Variants in NLRP13 observed in about 807,000 individuals in gnomAD.
The protein encoded by NLRP13 is NLR family pyrin domain containing 13.
NLRP13 carries 82 observed loss-of-function variants against 94.4 expected under a neutral mutation model. The observed-to-expected ratio is 0.87, with a 90% CI of 0.73 to 1.04. The LOEUF (loss-of-function observed/expected upper bound fraction) is 1.04, where lower values mean the gene tolerates loss of function less well. NLRP13 is among the 50% of genes least tolerant of loss of function. NLRP13 has a pLI of 0.00. For synonymous variants in NLRP13, 553 were observed against 464.7 expected, an observed-to-expected ratio of 1.19 and a Z score of -2.45; for missense variants, 1,426 against 1,230.8, an observed-to-expected ratio of 1.16 and a Z score of -2.37.
chr19:55,896,348 C>T (rs2123099045), intron 10 of NLRP13, among the ~76,000 whole-genome samples: 1 of 151,566 alleles, frequency 6.6e-6, no homozygotes, highest in South Asian at 2.1e-4. Context: ...CATGGTGAAA[C>T]CCCATTTCTA....
At chr19:55,904,380 G>A (rs541714895) in intron 8 of NLRP13, among the ~76,000 whole-genome samples, 2 of 152,158 alleles carry the variant, frequency 1.3e-5, no homozygotes, top group South Asian at 4.2e-4. Flanking sequence ...GAGCCACCTT[G>A]CCCAGCCCAA....
chr19:55,911,899 G>GA lies in NLRP13; in HGVS notation c.1917dup (p.His640SerfsTer21). On this transcript the variant is annotated frameshift_variant, in exon 5 of 11. Transcript: ENST00000342929. LOFTEE classifies it high-confidence loss of function. Reference sequence around the variant, plus strand: ...TCCTCCTGGGACTCGTGTAGGCAGTGAAAAAGTCGTAGAATGTGAAATTGG... The same window carrying GA: ...TCCTCCTGGGACTCGTGTAGGCAGTGAAAAAAGTCGTAGAATGTGAAATTGG... 1 of 1,614,144 alleles carries GA rather than the reference G, an allele frequency of 6.2e-7. No homozygotes were observed. Among genetic ancestry groups the GA allele is most frequent in the Non-Finnish European group, 8.5e-7 (1 of 1,179,980 alleles).
chr19:55,906,337 CAAAA>C (rs71182931), intron 7 of NLRP13, among the ~76,000 whole-genome samples: 12 of 60,976 alleles, frequency 2.0e-4, no homozygotes, highest in East Asian at 5.4e-4. Flanking sequence ...GACTCCATCT[CAAAA>C]AAAAAAAAAA....
chr19:55,925,835 T>C (rs1986954120), intron 1 of NLRP13, among the ~76,000 whole-genome samples: 1 of 152,116 alleles, frequency 6.6e-6, no homozygotes, highest in Non-Finnish European at 1.5e-5. Flanking sequence ...GCAAGCTGTG[T>C]CCTGCACTTC....
chr19:55,902,086 T>G lies in NLRP13; in HGVS notation c.2738A>C (p.Lys913Thr), dbSNP rs1229531542. 6.2e-7 allele frequency: 1 copy of G among 1,614,156 alleles called. No homozygotes were observed. Among genetic ancestry groups the G allele is most frequent in the Non-Finnish European group, 8.5e-7 (1 of 1,180,008 alleles). Residue 913 changes from lysine to threonine, a missense_variant, in exon 9 of 11, where the codon AAG becomes ACG. Lys to Thr is a moderately conservative substitution (Grantham distance 78). Transcript: ENST00000342929. Reference protein sequence around the residue: ...SKNSLRDEGVKFLCEALGRPD... With the variant: ...SKNSLRDEGVTFLCEALGRPD... The stretch of plus-strand genomic sequence containing the variant: ...GCGACCCAAGGCCTCACACAGGAAC[T>G]TGACTCCCTCGTCTCTCAGGCTGTT...
At chr19:55,915,068 G>A (rs1986642536) in intron 4 of NLRP13, among the ~76,000 whole-genome samples, 2 of 152,154 alleles carry the variant, frequency 1.3e-5, no homozygotes, top group Non-Finnish European at 2.9e-5. Context: ...AGAGGGAAAG[G>A]AGAAATTTTG....
downstream of NLRP13, chr19:55,895,890 T>C: frequency 6.4e-7 from 1 of 1,562,596 alleles, no homozygotes; most frequent in East Asian, 2.2e-5. Flanking sequence ...TCTAGAAGCC[T>C]AGTCAATCTA....
Position 55,910,674 on chromosome 19 carries a change from G to A in NLRP13, c.2171C>T (p.Thr724Ile). The change falls in exon 6 of 11, where the codon ACA (threonine) becomes ATA (isoleucine). Residue 724 changes from threonine (T) to isoleucine (I), a missense_variant. Thr to Ile is a moderately conservative substitution (Grantham distance 89, BLOSUM62 -1). Coordinates refer to ENST00000342929, the MANE Select transcript of NLRP13 (RefSeq NM_176810.2). The part of the protein sequence containing the change: ...AWNSICSTLV[T>I]NENLHELDLS... ...GTCTAGCTCATGCAGATTCTCATTT[G>A]TGACCAACGTAGAGCAAATGCTGTT... The A allele has an allele frequency of 6.2e-7, 1 of 1,613,932 alleles. No homozygotes were observed. The highest frequency in any genetic ancestry group is 8.5e-7 in the Non-Finnish European group (1 of 1,179,812).
downstream of NLRP13, chr19:55,895,925 T>C (rs753937592): frequency 1.9e-6 from 3 of 1,611,414 alleles, no homozygotes; most frequent in Non-Finnish European, 2.5e-6. Flanking sequence ...TGTTCTCCCC[T>C]GCAGAAAAGT....
At chr19:55,930,515 G>A (rs35587092) in intron 1 of NLRP13, among the ~76,000 whole-genome samples, 27,827 of 151,164 alleles carry the variant, frequency 0.18, 2,799 homozygotes, top group African/African-American at 0.26. Flanking sequence ...GCAAAACCCC[G>A]TCTCTACTAC....
chr19:55,897,287 G>A lies in NLRP13; in HGVS notation c.2958-1168C>T, dbSNP rs144685414. 6.3e-3 allele frequency among the ~76,000 whole-genome samples: 962 copies of A among 152,296 alleles called. 9 individuals are homozygous for A. The highest frequency in any genetic ancestry group is 0.022 in the African/African-American group (898 of 41,546). On this transcript the variant is annotated intron_variant, in intron 10 of 10. Coordinates refer to ENST00000342929, the MANE Select transcript of NLRP13 (RefSeq NM_176810.2). ...TAATCCCAACACTTTGGGAGACTGA[G>A]GCAGGCAGATCACTTGAGCTTAGGA...
intron 8 of NLRP13, 118 bp from the exon 9 acceptor site, chr19:55,902,323 A>T (rs302836): frequency 0.88 from 671,107 of 766,544 alleles, 294,690 homozygotes; most frequent in East Asian, 0.97. Flanking sequence ...CTGGACGACA[A>T]GGTCTTTCTT....
chr19:55,926,256 G>T (rs1986963314), intron 1 of NLRP13, among the ~76,000 whole-genome samples: 1 of 152,192 alleles, frequency 6.6e-6, no homozygotes, highest in South Asian at 2.1e-4. Flanking sequence ...ATTTAGCTGG[G>T]ACCACCTGTC....
chr19:55,916,618 G>A (rs1411745225), intron 4 of NLRP13, among the ~76,000 whole-genome samples: 1 of 152,094 alleles, frequency 6.6e-6, no homozygotes, highest in African/African-American at 2.4e-5. Context: ...CAAAGAAGAG[G>A]AAAGAATCTC....
chr19:55,903,761 C>A (rs553348221), intron 8 of NLRP13, among the ~76,000 whole-genome samples: 6 of 152,232 alleles, frequency 3.9e-5, no homozygotes, highest in South Asian at 4.2e-4. Flanking sequence ...CATTGGCAAA[C>A]CCCATTGGCT....
chr19:55,912,666 G>C lies in NLRP13; in HGVS notation c.1151C>G (p.Thr384Arg). 1 of 1,614,162 alleles carries C rather than the reference G, an allele frequency of 6.2e-7. No homozygotes were observed. Among genetic ancestry groups the C allele is most frequent in the Non-Finnish European group, 8.5e-7 (1 of 1,180,014 alleles). Reference protein sequence around the residue: ...SLVNPCFVQITGFTGDDLRVY... With the variant: ...SLVNPCFVQIRGFTGDDLRVY... ...CCGTAGGTCGTCCCCTGTGAACCCT[G>C]TAATTTGTACAAAGCATGGATTCAC... is the stretch of plus-strand genomic sequence containing the variant. The change falls in exon 5 of 11, where the codon ACA (threonine) becomes AGA (arginine). Residue 384 changes from threonine (T) to arginine (R), a missense_variant. Transcript: ENST00000342929.
intron 1 of NLRP13, among the ~76,000 whole-genome samples, chr19:55,930,707 A>T (rs1229622755): frequency 1.4e-5 from 2 of 143,276 alleles, no homozygotes; most frequent in East Asian, 4.3e-4. Context: ...AAAAAAAAAA[A>T]GAGTCAATGT....
Position 55,912,375 on chromosome 19 carries a change from C to T in NLRP13, c.1442G>A (p.Arg481Lys). 15 of 1,614,136 alleles carry T rather than the reference C, an allele frequency of 9.3e-6. No individual in the cohort carries two copies. The highest frequency in any genetic ancestry group is 1.2e-5 in the Non-Finnish European group (14 of 1,180,006). ...TTCTATGGCCAGACTGCAGAGGGCC[C>T]TCCATTGTCCTGGCCAGCTGTCATC... ...LADDSWPGQW[R>K]ALCSLAIEGL... The change falls in exon 5 of 11, where the codon AGG becomes AAG. Residue 481 changes from arginine (R) to lysine (K), a missense_variant. Coordinates refer to ENST00000342929, the MANE Select transcript of NLRP13 (RefSeq NM_176810.2).
intron 7 of NLRP13, among the ~76,000 whole-genome samples, chr19:55,905,587 AGGTT>A (rs879277160): frequency 2.6e-5 from 4 of 151,868 alleles, no homozygotes; most frequent in African/African-American, 4.8e-5. Context: ...CAAGAGGCAG[AGGTT>A]GTGGTGAGCC....
Sources: gnomAD v4.1 joint callset for allele counts (sites outside exome capture counted in the v4.1 genomes callset) on GRCh38, gnomAD v4.1.1 for gene constraint, MANE v1.5 for transcripts, NCBI Gene and HGNC (gene_info 2026-07-23, HGNC 2026-07-21) for gene names.